The following STRN3 variants were observed in gnomAD, a reference collection of about 807,000 sequenced individuals.
STRN3 encodes striatin 3.
Under a neutral mutation model 95.6 loss-of-function variants are expected in STRN3, and 29 were observed. That is an observed-to-expected ratio of 0.30 (90% CI 0.23 to 0.41). STRN3 has a LOEUF of 0.41. Ranked by LOEUF, STRN3 falls within the 10% of genes least tolerant of loss-of-function variation. The pLI, the probability that STRN3 is intolerant of heterozygous loss-of-function variation, is 1.00. For synonymous variants in STRN3, 331 were observed against 357.6 expected (o/e 0.93, Z 0.84); for missense variants, 890 against 972.1 (o/e 0.92, Z 1.12).
At chr14:31,025,738 G>T in intron 1 of STRN3, 166 bp downstream of exon 1, 1 of 912,826 alleles carries the variant, frequency 1.1e-6, no homozygotes, top group Non-Finnish European at 1.6e-6. Flanking sequence ...AGAGGGAGGG[G>T]GACTCCAGGA....
rs767833733 is a variant in STRN3 at position 30,902,597 on chromosome 14, T to C, written c.2076A>G (p.Thr692=). The C allele has an allele frequency of 1.2e-6, 2 of 1,609,182 alleles. No homozygotes were observed. Among genetic ancestry groups the C allele is most frequent in the East Asian group, 4.5e-5 (2 of 44,524 alleles). ...CATGAGCAGTTATTGTAACAGGAAG[T>C]GTGGGATGACTTACTACTCTGTTGA... The part of the protein sequence containing the change: ...NHINRVVSHP[T]LPVTITAHED... The change falls in exon 16 of 18, where the codon ACA becomes ACG. Residue 692 remains threonine (T), a synonymous_variant. Transcript: ENST00000357479.
intron 16 of STRN3, among the ~76,000 whole-genome samples, chr14:30,900,286 G>A (rs1486203437): frequency 6.6e-6 from 1 of 151,122 alleles, no homozygotes; most frequent in African/African-American, 2.4e-5. Context: ...TTGAACCCAG[G>A]AGGCAGAGGT....
chr14:31,025,712 C>G, intron 1 of STRN3, 192 bp downstream of exon 1: 5 of 827,546 alleles, frequency 6.0e-6, no homozygotes, highest in Non-Finnish European at 9.1e-6. Flanking sequence ...GGTTGGGGAG[C>G]AAGCTTATGC....
chr14:31,006,900 C>G (rs1882744366), intron 1 of STRN3, among the ~76,000 whole-genome samples: 1 of 151,384 alleles, frequency 6.6e-6, no homozygotes, highest in Non-Finnish European at 1.5e-5. Context: ...ATGCTTGAAC[C>G]CAGGAAGTCC....
At chr14:31,013,940 T>C (rs1474225853) in intron 1 of STRN3, among the ~76,000 whole-genome samples, 1 of 126,914 alleles carries the variant, frequency 7.9e-6, no homozygotes. Flanking sequence ...TGTCAGTCTA[T>C]TGACCAGACT....
intron 1 of STRN3, among the ~76,000 whole-genome samples, chr14:31,009,999 A>G (rs1233429095): frequency 6.6e-6 from 1 of 152,102 alleles, no homozygotes; most frequent in Non-Finnish European, 1.5e-5. Flanking sequence ...GCTTCTGAGG[A>G]GGCTGAGGCA....
intron 1 of STRN3, among the ~76,000 whole-genome samples, chr14:30,964,856 T>C (rs910582587): frequency 2.0e-5 from 3 of 151,778 alleles, no homozygotes; most frequent in East Asian, 1.9e-4. Flanking sequence ...GAGGTGAAGG[T>C]TGCAGTGAGC....
At chr14:30,923,401 T>TC (rs1211299785) in intron 8 of STRN3, among the ~76,000 whole-genome samples, 1 of 151,986 alleles carries the variant, frequency 6.6e-6, no homozygotes, top group Non-Finnish European at 1.5e-5. Context: ...TTACAAGACT[T>TC]CCCCCTTTTC....
At chr14:31,016,566 C>G (rs555290096) in intron 1 of STRN3, among the ~76,000 whole-genome samples, 99 of 151,952 alleles carry the variant, frequency 6.5e-4, no homozygotes, top group African/African-American at 2.2e-3. Context: ...TATTTTGAGA[C>G]AGAGTCTCGC....
intron 1 of STRN3, among the ~76,000 whole-genome samples, chr14:31,019,730 A>C (rs754261336): frequency 7.2e-5 from 11 of 152,084 alleles, no homozygotes; most frequent in Non-Finnish European, 1.6e-4. Flanking sequence ...TTGAAAAAAA[A>C]CTAGAAGAGG....
intron 1 of STRN3, among the ~76,000 whole-genome samples, chr14:31,023,892 A>T (rs1883636850): frequency 6.6e-6 from 1 of 152,040 alleles, no homozygotes; most frequent in African/African-American, 2.4e-5. Flanking sequence ...AGTATGAAAT[A>T]AAAAAGAGTC....
intron 8 of STRN3, among the ~76,000 whole-genome samples, chr14:30,926,300 G>A (rs1459858305): frequency 6.6e-6 from 1 of 151,878 alleles, no homozygotes; most frequent in African/African-American, 2.4e-5. Flanking sequence ...AAATCTATAG[G>A]TTTAACTAAT....
chr14:30,905,354 A>T, intron 15 of STRN3, 64 bp downstream of exon 15: 1 of 1,401,062 alleles, frequency 7.1e-7, no homozygotes, highest in Non-Finnish European at 9.4e-7. Flanking sequence ...AATTAGCTAA[A>T]AGATCACCCT....
intron 1 of STRN3, among the ~76,000 whole-genome samples, chr14:31,009,411 A>G (rs1196275836): frequency 6.6e-6 from 1 of 152,070 alleles, no homozygotes; most frequent in Non-Finnish European, 1.5e-5. Context: ...ACCTGCCTCC[A>G]AATGTGATAA....
In STRN3 at chr14:30,955,744, C is replaced by T. The variant is rs766595984; in HGVS notation, c.387-51G>A. Reference sequence around the variant, plus strand: ...AAATCACAACTTCTTCTTTTTGTCACTCTTGCTTTATATTACTCCAATAAC... The same window carrying T: ...AAATCACAACTTCTTCTTTTTGTCATTCTTGCTTTATATTACTCCAATAAC... On this transcript the variant is annotated intron_variant, in intron 2 of 17. Transcript: ENST00000357479. 7.6e-6 allele frequency: 11 copies of T among 1,446,616 alleles called. No individual in the cohort carries two copies. In the South Asian group the frequency reaches 1.1e-4, roughly 15 times the overall value. 89.6% of individuals were successfully genotyped at this position (1,446,616 alleles called of 1,614,324 possible).
chr14:30,955,255 T>G (rs1428316989), intron 3 of STRN3, among the ~76,000 whole-genome samples: 1 of 152,164 alleles, frequency 6.6e-6, no homozygotes, highest in African/African-American at 2.4e-5. Flanking sequence ...CAACTGCAAA[T>G]TTTATGTATG....
intron 15 of STRN3, among the ~76,000 whole-genome samples, chr14:30,905,123 T>C (rs1896427096): frequency 6.6e-6 from 1 of 152,164 alleles, no homozygotes; most frequent in Non-Finnish European, 1.5e-5. Flanking sequence ...TGGGCATTTA[T>C]AGATAGGTAT....
At chr14:30,966,246 C>T (rs1013368597) in intron 1 of STRN3, among the ~76,000 whole-genome samples, 14 of 152,200 alleles carry the variant, frequency 9.2e-5, no homozygotes, top group African/African-American at 3.1e-4. Flanking sequence ...AACCCCTTCC[C>T]CTCCCTTGTC....
chr14:30,988,517 CAATG>C (rs1376246626), intron 1 of STRN3, among the ~76,000 whole-genome samples: 1 of 152,080 alleles, frequency 6.6e-6, no homozygotes, highest in Admixed American at 6.6e-5. Flanking sequence ...TAAAGCATAT[CAATG>C]AATGGAGATG....
Sources: gnomAD v4.1 joint callset for allele counts (sites outside exome capture counted in the v4.1 genomes callset) on GRCh38, gnomAD v4.1.1 for gene constraint, MANE v1.5 for transcripts, NCBI Gene and HGNC (gene_info 2026-07-23, HGNC 2026-07-21) for gene names.